The following SDCCAG8 variants were observed in gnomAD, a reference collection of about 807,000 sequenced individuals.
SDCCAG8 encodes the protein serologically defined colon cancer antigen 8.
Under a neutral mutation model 101.8 loss-of-function variants are expected in SDCCAG8, and 74 were observed. That is an observed-to-expected ratio of 0.73 (90% CI 0.60 to 0.88). The LOEUF is 0.88. Among genes scored for constraint, SDCCAG8 ranks in the 40% least tolerant of loss-of-function variants. The pLI, the probability that SDCCAG8 is intolerant of heterozygous loss-of-function variation, is 0.00. For missense variants in SDCCAG8, 787 were observed against 822.6 expected (o/e 0.96, Z 0.53); for synonymous variants, 281 against 292.9 (o/e 0.96, Z 0.41).
rs1306789578 is a variant in SDCCAG8, at chr1:243,344,273, A to T, written c.1415A>T (p.Glu472Val). 1.9e-6 allele frequency: 3 copies of T among 1,613,928 alleles called. No individual in the cohort carries two copies. The African/African-American group carries it at 4.0e-5, about 22-fold the overall frequency. ...ACCAACATGGAGAAGGATGAGGCAG[A>T]AAAGGAGCACAGAGAGTTCAGAGCA... Reference protein sequence around the residue: ...NKTNMEKDEAEKEHREFRAKT... With the variant: ...NKTNMEKDEAVKEHREFRAKT... Residue 472 changes from glutamate to valine, a missense_variant, in exon 12 of 18, where the codon GAA becomes GTA. By Grantham distance (121) the Glu-to-Val change is moderately radical. Coordinates refer to ENST00000366541, the MANE Select transcript of SDCCAG8 (RefSeq NM_006642.5).
chr1:243,411,200 A>G (rs57600448), intron 13 of SDCCAG8, among the ~76,000 whole-genome samples: 1,802 of 151,936 alleles, frequency 0.012, 43 homozygotes, highest in African/African-American at 0.042. Flanking sequence ...TGTAGCCTCA[A>G]CCTCCCTGGG....
At chr1:243,401,391 A>T (rs2079388326) in intron 13 of SDCCAG8, among the ~76,000 whole-genome samples, 2 of 152,254 alleles carry the variant, frequency 1.3e-5, no homozygotes, top group Non-Finnish European at 2.9e-5. Context: ...TTGATTGACA[A>T]GCTAATATGA....
At chr1:243,328,875 T>C (rs968376446) in intron 9 of SDCCAG8, among the ~76,000 whole-genome samples, 1 of 152,204 alleles carries the variant, frequency 6.6e-6, no homozygotes, top group African/African-American at 2.4e-5. Flanking sequence ...GTTTTAGATC[T>C]TCAGTCTCTT....
intron 16 of SDCCAG8, among the ~76,000 whole-genome samples, chr1:243,442,492 T>G (rs1239297038): frequency 6.6e-6 from 1 of 152,080 alleles, no homozygotes; most frequent in African/African-American, 2.4e-5. Context: ...CAAGGAAGCG[T>G]CCCATTCAAG....
chr1:243,256,720 G>T (rs1449514757), intron 1 of SDCCAG8, among the ~76,000 whole-genome samples: 1 of 152,180 alleles, frequency 6.6e-6, no homozygotes, highest in East Asian at 1.9e-4. Context: ...TAAATCATCT[G>T]CAGCTTACAC....
chr1:243,259,089 T>C (rs2066988756), intron 1 of SDCCAG8, among the ~76,000 whole-genome samples: 1 of 152,160 alleles, frequency 6.6e-6, no homozygotes, highest in South Asian at 2.1e-4. Context: ...TCCGTGATCG[T>C]ACTTCCATTT....
At chr1:243,300,627 C>T (rs1192351766) in intron 6 of SDCCAG8, among the ~76,000 whole-genome samples, 1 of 152,150 alleles carries the variant, frequency 6.6e-6, no homozygotes. Flanking sequence ...ATTTTACATT[C>T]CTGTGATACT....
In SDCCAG8 at chr1:243,334,989, G is replaced by A. The variant is rs185930954; in HGVS notation, c.1221+4297G>A. Among the ~76,000 whole-genome samples, 35 of 152,144 alleles carry A rather than the reference G, an allele frequency of 2.3e-4. No homozygotes were observed. In the East Asian group the frequency reaches 6.0e-3, roughly 26 times the overall value. On this transcript the variant is annotated intron_variant, in intron 10 of 17. Coordinates refer to ENST00000366541, the MANE Select transcript of SDCCAG8 (RefSeq NM_006642.5). ...GCTCACTTCATTACAAATTCATGTC[G>A]AATAGCTTGCCTCCCCTAGTTCAGT...
intron 10 of SDCCAG8, among the ~76,000 whole-genome samples, chr1:243,331,274 T>C (rs1030333523): frequency 2.6e-5 from 4 of 152,204 alleles, no homozygotes; most frequent in African/African-American, 4.8e-5. Context: ...CAAACTAGAA[T>C]ACAGAGTTGA....
intron 1 of SDCCAG8, among the ~76,000 whole-genome samples, chr1:243,266,361 G>T (rs2067585923): frequency 6.7e-6 from 1 of 149,914 alleles, no homozygotes; most frequent in Non-Finnish European, 1.5e-5. Context: ...CTGTCACCCA[G>T]CCTGGAATGC....
intron 6 of SDCCAG8, among the ~76,000 whole-genome samples, chr1:243,294,113 G>A (rs963836989): frequency 2.0e-5 from 3 of 152,126 alleles, no homozygotes; most frequent in Middle Eastern, 3.2e-3. Flanking sequence ...TCTGATGTCT[G>A]TGGTTTCTCG....
At chr1:243,328,755 C>T (rs2074387362) in intron 9 of SDCCAG8, among the ~76,000 whole-genome samples, 3 of 152,220 alleles carry the variant, frequency 2.0e-5, no homozygotes, top group Non-Finnish European at 4.4e-5. Context: ...ACTGTATCAT[C>T]CTATCTTGGC....
intron 17 of SDCCAG8, among the ~76,000 whole-genome samples, chr1:243,499,006 C>G (rs570634423): frequency 5.7e-4 from 87 of 152,322 alleles, no homozygotes; most frequent in Non-Finnish European, 1.1e-3. Context: ...AGTAGAAACT[C>G]CAGACATGCT....
intron 13 of SDCCAG8, among the ~76,000 whole-genome samples, chr1:243,412,921 A>G (rs2080285602): frequency 6.6e-6 from 1 of 151,986 alleles, no homozygotes; most frequent in Admixed American, 6.6e-5. Context: ...ACATTCTGGG[A>G]ATTTATAAAA....
intron 16 of SDCCAG8, among the ~76,000 whole-genome samples, chr1:243,481,809 AAAC>A (rs1268533570): frequency 2.0e-5 from 3 of 152,174 alleles, no homozygotes; most frequent in Non-Finnish European, 2.9e-5. Context: ...CAAAACCCCA[AAAC>A]AACAACTAAA....
At chr1:243,438,488 C>A (rs1315326443) in intron 16 of SDCCAG8, among the ~76,000 whole-genome samples, 1 of 151,798 alleles carries the variant, frequency 6.6e-6, no homozygotes, top group Non-Finnish European at 1.5e-5. Flanking sequence ...GATTATCTGG[C>A]TTTTGCCCAT....
chr1:243,263,481 C>T lies in SDCCAG8; in HGVS notation c.68-6624C>T, dbSNP rs554449216. 2.6e-5 allele frequency among the ~76,000 whole-genome samples: 4 copies of T among 151,556 alleles called. No individual in the cohort carries two copies. The South Asian group carries it at 8.5e-4, about 32-fold the overall frequency. On this transcript the variant is annotated intron_variant, in intron 1 of 17. Coordinates refer to ENST00000366541, the MANE Select transcript of SDCCAG8 (RefSeq NM_006642.5). ...CAGATTGTATTTGCTGGTGATTTTA[C>T]CTATGTTCTTTGCCAGCCTGGCTAG...
At chr1:243,277,308 T>C (rs763371534) in intron 4 of SDCCAG8, among the ~76,000 whole-genome samples, 32 of 152,292 alleles carry the variant, frequency 2.1e-4, no homozygotes, top group Non-Finnish European at 3.7e-4. Context: ...TAGCATTTGG[T>C]GTTGTCAGTG....
chr1:243,411,410 T>A (rs76785092), intron 13 of SDCCAG8, among the ~76,000 whole-genome samples: 1 of 152,100 alleles, frequency 6.6e-6, no homozygotes, highest in East Asian at 1.9e-4. Context: ...AGCCACTGAT[T>A]TGCTCCTTTT....
Sources: allele counts gnomAD v4.1 joint callset (sites outside exome capture counted in the v4.1 genomes callset), GRCh38; gene constraint gnomAD v4.1.1; transcripts MANE v1.5; gene names NCBI Gene and HGNC (gene_info 2026-07-23, HGNC 2026-07-21).